ADGRL2: variants seen among roughly 807,000 people sequenced by gnomAD.
ADGRL2 encodes the protein calcium-independent alpha-latrotoxin receptor 2.
In ADGRL2, 44 loss-of-function variants were observed where a neutral mutation model predicts 157.4. That is an observed-to-expected ratio of 0.28 (90% CI 0.22 to 0.36). ADGRL2 has a LOEUF of 0.36. Among genes scored for constraint, ADGRL2 ranks in the 10% least tolerant of loss-of-function variants. ADGRL2 has a pLI of 1.00. For missense variants in ADGRL2, 1,510 were observed against 1,768.9 expected (o/e 0.85, Z 2.63); for synonymous variants, 585 against 624.7 (o/e 0.94, Z 0.95).
chr1:81,507,504 G>A (rs963388806), intron 2 of ADGRL2, among the ~76,000 whole-genome samples: 4 of 152,078 alleles, frequency 2.6e-5, no homozygotes, highest in Non-Finnish European at 5.9e-5. Flanking sequence ...TGGTGACCAC[G>A]TGTTTTGGAA....
intron 1 of ADGRL2, among the ~76,000 whole-genome samples, chr1:81,754,229 C>T (rs2085590972): frequency 1.5e-5 from 2 of 137,814 alleles, no homozygotes; most frequent in Admixed American, 7.5e-5. Flanking sequence ...TCCTCTCTCT[C>T]TTTCTTTCTT....
rs148899627 is a variant in ADGRL2 at position 81,965,454 on chromosome 1, A to G, written c.2018-604A>G. Among the ~76,000 whole-genome samples the G allele has an allele frequency of 3.4e-4, 52 of 152,362 alleles. 1 individual carries two copies. In the East Asian group the frequency reaches 9.8e-3, roughly 29 times the overall value. ...GTGAGAATTAATGGGAAGTTTTAAC[A>G]TAATGACATTTTCATCATAAATATA... On this transcript the variant is annotated intron_variant, in intron 11 of 23. Transcript: ENST00000686636.
intron 22 of ADGRL2, 61 bp downstream of exon 22, chr1:81,987,090 G>T: frequency 6.4e-7 from 1 of 1,552,692 alleles, no homozygotes; most frequent in Non-Finnish European, 8.7e-7. Flanking sequence ...TATGATCTTT[G>T]CCCTGTTTCT....
chr1:81,417,959 T>A lies in ADGRL2; in HGVS notation c.-301-27077T>A, dbSNP rs183384085. On this transcript the variant is annotated intron_variant, in intron 1 of 24. Coordinates refer to the ADGRL2 transcript ENST00000370721. ...ACTTTTACTATATTTCTTCTTTTTTTAAAAAAATGTATTTTAAGGGGCTCA... is the reference window on the plus strand; with the variant it reads ...ACTTTTACTATATTTCTTCTTTTTTAAAAAAAATGTATTTTAAGGGGCTCA... 1.1e-3 allele frequency among the ~76,000 whole-genome samples: 171 copies of A among 152,220 alleles called. 1 individual carries two copies. The highest frequency in any genetic ancestry group is 3.4e-3 in the Middle Eastern group (1 of 294).
chr1:81,836,030 T>TA (rs751406845), intron 1 of ADGRL2, among the ~76,000 whole-genome samples: 122 of 152,190 alleles, frequency 8.0e-4, no homozygotes, highest in Non-Finnish European at 1.5e-3. Flanking sequence ...GTAGGTCAGA[T>TA]AATGTGCAAG....
chr1:81,493,538 T>G (rs1570271533), intron 2 of ADGRL2, among the ~76,000 whole-genome samples: 1 of 152,176 alleles, frequency 6.6e-6, no homozygotes, highest in African/African-American at 2.4e-5. Flanking sequence ...ACAGTGGCTG[T>G]ATGTTTCTTC....
chr1:81,648,008 A>G (rs1383475822), intron 3 of ADGRL2, among the ~76,000 whole-genome samples: 1 of 152,168 alleles, frequency 6.6e-6, no homozygotes, highest in Non-Finnish European at 1.5e-5. Flanking sequence ...ACCTCCACCT[A>G]TTTAGATGTG....
intron 1 of ADGRL2, among the ~76,000 whole-genome samples, chr1:81,349,904 C>T (rs1662759015): frequency 6.6e-6 from 1 of 151,992 alleles, no homozygotes; most frequent in Non-Finnish European, 1.5e-5. Flanking sequence ...TACAAACCTG[C>T]TTTAGACACT....
rs745501679 is a variant in ADGRL2 at position 81,981,099 on chromosome 1, CT to C, written c.3114-705del. The C allele has an allele frequency of 1.4e-5, 6 of 439,918 alleles. 1 individual carries two copies. In the East Asian group the frequency reaches 3.0e-4, roughly 22 times the overall value. The allele number at this position is 439,918 out of a possible 1,614,324, so 27.3% of individuals were successfully genotyped here. A position where few individuals can be genotyped will look rare whatever the true frequency, so the allele number is the denominator to read the frequency against. The stretch of plus-strand genomic sequence containing the variant: ...AATTCTGTCTAATAATTTTGTTTCT[CT>C]TTTCTGCTTATAATGCTTTCTAGCT... On this transcript the variant is annotated intron_variant, in intron 18 of 23. Coordinates refer to ENST00000686636, the MANE Select transcript of ADGRL2 (RefSeq NM_001366006.2).
chr1:81,335,835 AAAAAAAAAAAAAAC>A (rs1661600281), intron 1 of ADGRL2, among the ~76,000 whole-genome samples: 1 of 55,416 alleles, frequency 1.8e-5, no homozygotes, highest in Non-Finnish European at 3.7e-5. Context: ...TATAGTGTTT[AAAAAAAAAAAAAAC>A]AAAAAACAAA....
chr1:81,970,236 T>G, intron 15 of ADGRL2, 78 bp from the exon 16 acceptor site: 1 of 889,478 alleles, frequency 1.1e-6, no homozygotes, highest in Non-Finnish European at 1.9e-6. Flanking sequence ...TTTCTCTTAG[T>G]GAGTATTTTA....
chr1:81,951,177 C>A (rs912807011), intron 8 of ADGRL2, 56 bp downstream of exon 8: 1 of 1,177,432 alleles, frequency 8.5e-7, no homozygotes, highest in Non-Finnish European at 1.3e-6. Flanking sequence ...TAACTTCTAA[C>A]ATAAATAATT....
At chr1:81,316,100 A>G (rs1395740737) in intron 1 of ADGRL2, among the ~76,000 whole-genome samples, 2 of 151,498 alleles carry the variant, frequency 1.3e-5, no homozygotes, top group Non-Finnish European at 2.9e-5. Flanking sequence ...TTGTATTGGC[A>G]TCTTAGCATA....
At chr1:81,883,454 ATCC>A (rs1295782662) in intron 2 of ADGRL2, among the ~76,000 whole-genome samples, 2 of 152,172 alleles carry the variant, frequency 1.3e-5, no homozygotes, top group South Asian at 2.1e-4. Flanking sequence ...TTTGGAGGAA[ATCC>A]TCCTCCTATT....
intron 2 of ADGRL2, among the ~76,000 whole-genome samples, chr1:81,893,018 T>TCAG: frequency 6.6e-6 from 1 of 152,084 alleles, no homozygotes; most frequent in African/African-American, 2.4e-5. Context: ...CTTCTTCAAG[T>TCAG]TTTGCCAAGT....
At chr1:81,857,837 G>A (rs957325717) in intron 2 of ADGRL2, among the ~76,000 whole-genome samples, 2 of 151,930 alleles carry the variant, frequency 1.3e-5, no homozygotes, top group Non-Finnish European at 2.9e-5. Context: ...GAATATCATT[G>A]CCTTAATGAT....
chr1:81,959,894 G>A (rs976730958), intron 11 of ADGRL2, among the ~76,000 whole-genome samples: 1 of 151,756 alleles, frequency 6.6e-6, no homozygotes, highest in Non-Finnish European at 1.5e-5. Flanking sequence ...TCCGCCTCCT[G>A]GGTTCAAGTG....
intron 2 of ADGRL2, among the ~76,000 whole-genome samples, chr1:81,451,762 C>A (rs2077706700): frequency 6.6e-6 from 1 of 152,266 alleles, no homozygotes; most frequent in Admixed American, 6.5e-5. Flanking sequence ...ATACACAACT[C>A]TTGAATAATT....
chr1:81,791,841 A>G (rs1487989153), intron 2 of ADGRL2, among the ~76,000 whole-genome samples: 2 of 152,192 alleles, frequency 1.3e-5, no homozygotes, highest in Non-Finnish European at 2.9e-5. Context: ...ATTTTCAGAG[A>G]AAAAGGAACA....
Sources: allele counts gnomAD v4.1 joint callset (sites outside exome capture counted in the v4.1 genomes callset), GRCh38; gene constraint gnomAD v4.1.1; transcripts MANE v1.5; gene names NCBI Gene and HGNC (gene_info 2026-07-23, HGNC 2026-07-21).